Variants in MACF1 observed in about 807,000 individuals in gnomAD.
MACF1 encodes the protein microtubule-actin cross-linking factor 1.
In MACF1, 193 loss-of-function variants were observed where a neutral mutation model predicts 854.8. The ratio of observed to expected loss-of-function variants is 0.23; its 90% CI spans 0.20 to 0.25. The LOEUF is 0.25. MACF1 is among the 10% of genes least tolerant of loss of function. MACF1 has a pLI of 1.00. For missense variants in MACF1, 7,722 were observed against 8,929.1 expected, an observed-to-expected ratio of 0.86 and a Z score of 5.45; for synonymous variants, 3,185 against 3,226.7, an observed-to-expected ratio of 0.99 and a Z score of 0.44.
At chr1:39,301,157 C>T (rs921538760) in intron 22 of MACF1, among the ~76,000 whole-genome samples, 3 of 152,216 alleles carry the variant, frequency 2.0e-5, no homozygotes, top group Admixed American at 1.3e-4. Flanking sequence ...GATGAAGTCT[C>T]GCCCTGTCGC....
intron 99 of MACF1, among the ~76,000 whole-genome samples, chr1:39,483,216 GATA>G (rs923115433): frequency 1.3e-5 from 2 of 151,710 alleles, no homozygotes; most frequent in Non-Finnish European, 2.9e-5. Flanking sequence ...TGGTAGCAGT[GATA>G]ATAATATGTA....
intron 6 of MACF1, among the ~76,000 whole-genome samples, chr1:39,277,561 A>G (rs1645461779): frequency 6.6e-6 from 1 of 152,182 alleles, no homozygotes; most frequent in South Asian, 2.1e-4. Flanking sequence ...TATTTGGGAT[A>G]ATCATATGTT....
intron 79 of MACF1, 90 bp from the exon 80 acceptor site, chr1:39,444,572 T>C: frequency 8.3e-7 from 1 of 1,204,412 alleles, no homozygotes. Context: ...GAGCCCTTCC[T>C]GGACTTTCCC....
chr1:39,291,442 T>G (rs1042567257), intron 15 of MACF1, among the ~76,000 whole-genome samples: 1 of 152,246 alleles, frequency 6.6e-6, no homozygotes, highest in Admixed American at 6.5e-5. Flanking sequence ...ATTCCCCATG[T>G]AACAATAAAT....
At chr1:39,343,157 C>CT (rs1345933902) in intron 40 of MACF1, among the ~76,000 whole-genome samples, 9 of 152,170 alleles carry the variant, frequency 5.9e-5, no homozygotes, top group Middle Eastern at 3.4e-3. Context: ...ATATTGTTCT[C>CT]TTTTTTTGTT....
chr1:39,452,745 C>A lies in MACF1; in HGVS notation c.20675C>A (p.Thr6892Lys). The change falls in exon 87 of 101, where the codon ACG (threonine) becomes AAG (lysine). Residue 6892 changes from threonine (T) to lysine (K), a missense_variant. Transcript: ENST00000564288. ...GAGTGGCTTTCTGAAGCAGAGCAAA[C>A]GCTTCGCTTTCGGGGAGCACTTCCT... Reference protein sequence around the residue: ...LLEWLSEAEQTLRFRGALPDD... With the variant: ...LLEWLSEAEQKLRFRGALPDD... The A allele has an allele frequency of 6.2e-7, 1 of 1,613,920 alleles. No individual in the cohort carries two copies. Among genetic ancestry groups the A allele is most frequent in the Non-Finnish European group, 8.5e-7 (1 of 1,179,968 alleles).
chr1:39,165,482 A>G (rs1005209612), intron 2 of MACF1, among the ~76,000 whole-genome samples: 1 of 152,146 alleles, frequency 6.6e-6, no homozygotes, highest in African/African-American at 2.4e-5. Context: ...GGTTGGTTTC[A>G]GTTGCTGCTG....
At chr1:39,160,872 T>C (rs1643784528) in intron 2 of MACF1, among the ~76,000 whole-genome samples, 1 of 152,230 alleles carries the variant, frequency 6.6e-6, no homozygotes, top group African/African-American at 2.4e-5. Context: ...TCACTTAATA[T>C]CTTTGTGTAT....
chr1:39,303,026 G>T lies in MACF1; in HGVS notation c.2737G>T (p.Val913Phe). 1 of 1,614,222 alleles carries T rather than the reference G, an allele frequency of 6.2e-7. No homozygotes were observed. Among genetic ancestry groups the T allele is most frequent in the East Asian group, 2.2e-5 (1 of 44,892 alleles). The change falls in exon 23 of 101, where the codon GTC becomes TTC. Residue 913 changes from valine to phenylalanine, a missense_variant. Physicochemically the swap from Val to Phe is conservative, Grantham distance 50. Transcript: ENST00000564288. The stretch of plus-strand genomic sequence containing the variant: ...AGGGAACGAGGCAATGGTGCCGTCA[G>T]TCTGCTTCCTCATCCCCCCACCCAA... ...PTGNEAMVPS[V>F]CFLIPPPNKD...
chr1:39,385,240 G>A lies in MACF1; in HGVS notation c.13849-194G>A, dbSNP rs1326089962. The stretch of plus-strand genomic sequence containing the variant: ...TCACCAGCACGCCCCACTAATTTTT[G>A]TATTTTTAGTAGAGACGGGGTTTCG... On this transcript the variant is annotated intron_variant, in intron 56 of 100. Coordinates refer to ENST00000564288, the MANE Select transcript of MACF1 (RefSeq NM_001394062.1). Among the ~76,000 whole-genome samples, 3 of 152,162 alleles carry A rather than the reference G, an allele frequency of 2.0e-5. No individual in the cohort carries two copies. In the East Asian group the frequency reaches 5.8e-4, roughly 29 times the overall value.
chr1:39,149,522 C>T (rs1340726038), intron 2 of MACF1, among the ~76,000 whole-genome samples: 3 of 145,866 alleles, frequency 2.1e-5, no homozygotes, highest in African/African-American at 5.1e-5. Context: ...AGTGAGACTC[C>T]GTCTCAAAAA....
Position 39,309,668 on chromosome 1 carries a change from A to C in MACF1, c.2888A>C (p.Asp963Ala). Reference sequence around the variant, plus strand: ...TGGAACTATCTGCGTAAAGACCTTGACCTTGTACAGACCTGGAACCTAGAA... The same window carrying C: ...TGGAACTATCTGCGTAAAGACCTTGCCCTTGTACAGACCTGGAACCTAGAA... Reference protein sequence around the residue: ...ISWNYLRKDLDLVQTWNLEKL... With the variant: ...ISWNYLRKDLALVQTWNLEKL... Residue 963 changes from aspartate to alanine, a missense_variant, in exon 24 of 101, where the codon GAC (aspartate) becomes GCC (alanine). This residue lies in a region of MACF1 where 1,137 missense variants were observed against 1,263.0 expected (regional missense o/e 0.90). Transcript: ENST00000564288. 6.2e-7 allele frequency: 1 copy of C among 1,614,122 alleles called. No individual in the cohort carries two copies. The highest frequency in any genetic ancestry group is 8.5e-7 in the Non-Finnish European group (1 of 1,179,982).
In MACF1 at chr1:39,387,964, C is replaced by T. The variant is rs1641866457; in HGVS notation, c.15122C>T (p.Ser5041Phe). 2 of 1,613,970 alleles carry T rather than the reference C, an allele frequency of 1.2e-6. No individual in the cohort carries two copies. Among genetic ancestry groups the T allele is most frequent in the African/African-American group, 2.7e-5 (2 of 74,990 alleles). Reference protein sequence around the residue: ...HQLEIFDALGSQACSNKNLEK... With the variant: ...HQLEIFDALGFQACSNKNLEK... ...CTTGAGATCTTTGATGCTCTGGGTT[C>T]TCAAGCCTGTAGCAACAAGAACCTG... is the stretch of plus-strand genomic sequence containing the variant. The change falls in exon 58 of 101, where the codon TCT (serine) becomes TTT (phenylalanine). Residue 5041 changes from serine to phenylalanine, a missense_variant. Physicochemically the swap from Ser to Phe is radical, Grantham distance 155 (BLOSUM62 -2). Transcript: ENST00000564288.
chr1:39,312,467 C>T (rs980553364), intron 26 of MACF1, among the ~76,000 whole-genome samples: 4 of 151,936 alleles, frequency 2.6e-5, no homozygotes, highest in African/African-American at 4.8e-5. Context: ...CTTCAGTGTG[C>T]ATCTTCAAAA....
chr1:39,234,408 C>A (rs1418717301), intron 2 of MACF1, among the ~76,000 whole-genome samples: 1 of 149,302 alleles, frequency 6.7e-6, no homozygotes, highest in African/African-American at 2.5e-5. Flanking sequence ...GGCGGCTGGC[C>A]GGGCAGGGGG....
chr1:39,197,244 T>TACAC (rs550189279), intron 2 of MACF1, among the ~76,000 whole-genome samples: 9 of 150,414 alleles, frequency 6.0e-5, no homozygotes, highest in Admixed American at 1.3e-4. Flanking sequence ...TATAAATATA[T>TACAC]ACACACACAC....
intron 2 of MACF1, among the ~76,000 whole-genome samples, chr1:39,235,280 G>A (rs376895733): frequency 6.6e-6 from 1 of 152,250 alleles, no homozygotes; most frequent in Non-Finnish European, 1.5e-5. Flanking sequence ...GAGGCTGGTG[G>A]ATCACTTGCG....
At chr1:39,213,860 A>AG (rs1429066611) in intron 1 of MACF1, among the ~76,000 whole-genome samples, 2 of 152,208 alleles carry the variant, frequency 1.3e-5, no homozygotes, top group African/African-American at 4.8e-5. Context: ...AGCTTAGTCT[A>AG]GGCGGGATAA....
intron 51 of MACF1, among the ~76,000 whole-genome samples, chr1:39,371,457 T>C (rs1194478612): frequency 6.6e-6 from 1 of 151,988 alleles, no homozygotes; most frequent in Non-Finnish European, 1.5e-5. Context: ...ACTAAGTAGA[T>C]TGTCAGGGAT....
Sources: gnomAD v4.1 joint callset for allele counts (sites outside exome capture counted in the v4.1 genomes callset) on GRCh38, gnomAD v4.1.1 for gene constraint, gnomAD v4.1.1 regional missense constraint, MANE v1.5 for transcripts, NCBI Gene and HGNC (gene_info 2026-07-23, HGNC 2026-07-21) for gene names.